The following DLG2 variants were observed in gnomAD, a reference collection of about 807,000 sequenced individuals.
The protein encoded by DLG2 is disks large homolog 2.
A neutral mutation model predicts 132.5 loss-of-function variants in DLG2; 45 were observed. That is an observed-to-expected ratio of 0.34 (90% CI 0.27 to 0.44). The LOEUF is 0.44. Ranked by LOEUF, DLG2 falls within the 20% of genes least tolerant of loss-of-function variation. The probability of loss-of-function intolerance (pLI) is 1.00; values close to 1 mark genes in which losing one functional copy is unlikely to be tolerated. For missense variants in DLG2, 1,045 were observed against 1,196.9 expected, an observed-to-expected ratio of 0.87 and a Z score of 1.87; for synonymous variants, 424 against 419.6, an observed-to-expected ratio of 1.01 and a Z score of -0.13.
chr11:84,880,241 G>C (rs1472482501), intron 6 of DLG2, among the ~76,000 whole-genome samples: 3 of 152,050 alleles, frequency 2.0e-5, no homozygotes, highest in African/African-American at 7.2e-5. Flanking sequence ...GTAAAGGAAG[G>C]AAAGTTGGCT....
chr11:83,962,663 T>C (rs1203026336), intron 14 of DLG2, among the ~76,000 whole-genome samples: 1 of 152,046 alleles, frequency 6.6e-6, no homozygotes, highest in Non-Finnish European at 1.5e-5. Context: ...GGCAAAGTGA[T>C]GTATAAGTGT....
chr11:85,136,162 T>G (rs183277801), intron 5 of DLG2, among the ~76,000 whole-genome samples: 7 of 152,244 alleles, frequency 4.6e-5, no homozygotes, highest in African/African-American at 1.7e-4. Context: ...AAACTGAATA[T>G]GCAATCTTTA....
At chr11:85,007,650 G>A (rs1228530703) in intron 6 of DLG2, among the ~76,000 whole-genome samples, 1 of 123,404 alleles carries the variant, frequency 8.1e-6, no homozygotes, top group African/African-American at 3.0e-5. Context: ...GGGTGACAGA[G>A]CAAGACTCCG....
At chr11:85,570,893 C>A (rs1490269518) in intron 3 of DLG2, among the ~76,000 whole-genome samples, 1 of 152,058 alleles carries the variant, frequency 6.6e-6, no homozygotes, top group East Asian at 1.9e-4. Flanking sequence ...GCTGTTGAGC[C>A]TCTTCAGTAA....
At chr11:83,844,241 G>GT (rs1010044998) in intron 16 of DLG2, among the ~76,000 whole-genome samples, 1 of 151,886 alleles carries the variant, frequency 6.6e-6, no homozygotes, top group African/African-American at 2.4e-5. Flanking sequence ...GGCTCATAGG[G>GT]TAAAAAAAAG....
At chr11:85,396,710 A>C in intron 3 of DLG2, among the ~76,000 whole-genome samples, 1 of 152,208 alleles carries the variant, frequency 6.6e-6, no homozygotes, top group Non-Finnish European at 1.5e-5. Flanking sequence ...AAATAAACTG[A>C]GAAGAAAAGG....
At chr11:84,695,574 A>G (rs2058530381) in intron 6 of DLG2, among the ~76,000 whole-genome samples, 1 of 151,624 alleles carries the variant, frequency 6.6e-6, no homozygotes, top group Non-Finnish European at 1.5e-5. Context: ...GTCAGAAAGC[A>G]TGGAATGAGA....
At chr11:85,149,393 T>A (rs999580672) in intron 5 of DLG2, among the ~76,000 whole-genome samples, 2 of 152,216 alleles carry the variant, frequency 1.3e-5, no homozygotes, top group Non-Finnish European at 2.9e-5. Context: ...ATGGAATGTA[T>A]ACTTGTTTGA....
chr11:84,326,708 G>A (rs1316752591), intron 7 of DLG2, among the ~76,000 whole-genome samples: 1 of 152,080 alleles, frequency 6.6e-6, no homozygotes, highest in Non-Finnish European at 1.5e-5. Context: ...CTGTTAGCTG[G>A]CATGTTCTGT....
chr11:84,842,536 C>T (rs1344755397), intron 6 of DLG2, among the ~76,000 whole-genome samples: 4 of 151,944 alleles, frequency 2.6e-5, no homozygotes, highest in African/African-American at 7.2e-5. Flanking sequence ...AATAGTTCAT[C>T]CTTTGCTCTC....
intron 3 of DLG2, among the ~76,000 whole-genome samples, chr11:85,523,117 A>T (rs1400483513): frequency 1.2e-4 from 19 of 152,176 alleles, no homozygotes; most frequent in Admixed American, 1.2e-3. Context: ...AGGTGATTGA[A>T]TCATGGGGGA....
intron 18 of DLG2, among the ~76,000 whole-genome samples, chr11:83,759,449 T>C (rs1401055311): frequency 6.6e-6 from 1 of 152,202 alleles, no homozygotes; most frequent in Non-Finnish European, 1.5e-5. Context: ...TTGACCCCCT[T>C]GGGCTTTCTT....
chr11:85,249,119 T>C (rs2076276164), intron 4 of DLG2, among the ~76,000 whole-genome samples: 1 of 152,116 alleles, frequency 6.6e-6, no homozygotes. Context: ...TATTGTAGGT[T>C]TGACAAATCC....
chr11:85,245,592 G>A (rs1030186742), intron 4 of DLG2, among the ~76,000 whole-genome samples: 26 of 151,936 alleles, frequency 1.7e-4, no homozygotes, highest in Non-Finnish European at 3.7e-4. Flanking sequence ...CTCCTGTGAA[G>A]TATTATCCAC....
intron 6 of DLG2, among the ~76,000 whole-genome samples, chr11:84,846,535 G>A (rs1599633990): frequency 1.3e-5 from 2 of 152,168 alleles, no homozygotes; most frequent in African/African-American, 4.8e-5. Context: ...ACTCTCACCT[G>A]TGATACATCA....
intron 4 of DLG2, among the ~76,000 whole-genome samples, chr11:85,169,452 A>T (rs1017320900): frequency 2.6e-5 from 4 of 152,154 alleles, no homozygotes; most frequent in Non-Finnish European, 5.9e-5. Context: ...AGCCATACAA[A>T]ATTGAAACAC....
At chr11:85,023,185 G>A (rs1015270330) in intron 6 of DLG2, among the ~76,000 whole-genome samples, 2 of 151,894 alleles carry the variant, frequency 1.3e-5, no homozygotes, top group African/African-American at 4.8e-5. Context: ...ATTTGTATTA[G>A]TCCCTAAAAA....
chr11:85,547,379 C>G (rs1015944610), intron 3 of DLG2, among the ~76,000 whole-genome samples: 1 of 152,182 alleles, frequency 6.6e-6, no homozygotes, highest in Admixed American at 6.5e-5. Flanking sequence ...ATGGGCTTCC[C>G]TTTGTGGGTA....
chr11:84,062,834 G>C (rs3905309), intron 10 of DLG2, among the ~76,000 whole-genome samples: 122,957 of 151,774 alleles, frequency 0.81, 50,641 homozygotes, highest in Middle Eastern at 0.93. Flanking sequence ...AACTAGGGCA[G>C]TCAACTTCCC....
Sources: gnomAD v4.1 joint callset for allele counts (sites outside exome capture counted in the v4.1 genomes callset) on GRCh38, gnomAD v4.1.1 for gene constraint, MANE v1.5 for transcripts, NCBI Gene and HGNC (gene_info 2026-07-23, HGNC 2026-07-21) for gene names.